MED6: variants seen among roughly 807,000 people sequenced by gnomAD.
MED6 encodes the protein mediator of RNA polymerase II transcription subunit 6.
Under a neutral mutation model 37.5 loss-of-function variants are expected in MED6, and 33 were observed. The observed-to-expected ratio is 0.88, with a 90% CI of 0.67 to 1.18. MED6 has a LOEUF of 1.18. MED6 is among the 50% of genes most tolerant of loss of function. MED6 has a pLI of 0.00. For missense variants in MED6, 235 were observed against 290.6 expected (o/e 0.81, Z 1.39); for synonymous variants, 94 against 93.6 (o/e 1.00, Z -0.02).
intron 3 of MED6, among the ~76,000 whole-genome samples, chr14:70,596,049 T>C (rs1342287869): frequency 6.6e-6 from 1 of 152,220 alleles, no homozygotes; most frequent in Non-Finnish European, 1.5e-5. Flanking sequence ...AGTATACAAC[T>C]AGTGGAACTT....
Position 70,584,819 on chromosome 14 carries a change from A to C in MED6, c.735T>G (p.Leu245=), listed in dbSNP as rs768892595. Residue 245 remains leucine, a synonymous_variant, in exon 8 of 8, where the codon CTT becomes CTG. Coordinates refer to ENST00000256379, the MANE Select transcript of MED6 (RefSeq NM_005466.4). ...AKGPPEKRMR[L]Q ...CTTCTCTTTTGTCCAGTACTCACTG[A>C]AGTCTCATCCGTTTTTCAGGGGGGC... The C allele has an allele frequency of 6.2e-7, 1 of 1,614,064 alleles. No homozygotes were observed. Among genetic ancestry groups the C allele is most frequent in the East Asian group, 2.2e-5 (1 of 44,884 alleles).
chr14:70,595,661 T>C (rs530133342), intron 3 of MED6: 11 of 955,902 alleles, frequency 1.2e-5, no homozygotes, highest in South Asian at 9.4e-5. Flanking sequence ...AGCTGTAGGC[T>C]GAGATCACCA....
intron 3 of MED6, 65 bp downstream of exon 3, chr14:70,596,546 G>A: frequency 3.1e-6 from 4 of 1,303,402 alleles, no homozygotes; most frequent in South Asian, 1.2e-5. Flanking sequence ...AACAAGTTAG[G>A]TCAGGAAGTA....
Position 70,597,817 on chromosome 14 carries a change from TAGAA to T in MED6, c.23-44_23-41del, listed in dbSNP as rs772431849. 31 of 1,488,234 alleles carry T rather than the reference TAGAA, an allele frequency of 2.1e-5. No homozygotes were observed. The African/African-American group carries it at 2.8e-4, about 13-fold the overall frequency. 92.2% of individuals were successfully genotyped at this position (1,488,234 alleles called of 1,614,324 possible). A position where few individuals can be genotyped will look rare whatever the true frequency, so the allele number is the denominator to read the frequency against. ...ACAAAATGATAAAGGATTAGAAAAA[TAGAA>T]AGAATCCAATCCAACAAACATTTAT... On this transcript the variant is annotated intron_variant, in intron 1 of 7. Transcript: ENST00000256379.
At chr14:70,585,815 G>A in intron 6 of MED6, 32 bp from the exon 7 acceptor site, 4 of 1,592,146 alleles carry the variant, frequency 2.5e-6, no homozygotes, top group Non-Finnish European at 3.4e-6. Flanking sequence ...GGAGGGAGAG[G>A]AAGAGGAAAA....
intron 3 of MED6, chr14:70,596,084 ATAGT>A: frequency 4.6e-6 from 1 of 218,874 alleles, no homozygotes; most frequent in Non-Finnish European, 9.2e-6. Context: ...TTCCTATATG[ATAGT>A]TAGGCTGGTT....
At chr14:70,585,445 G>A (rs200643995) in intron 7 of MED6, among the ~76,000 whole-genome samples, 2 of 152,284 alleles carry the variant, frequency 1.3e-5, no homozygotes, top group East Asian at 3.9e-4. Flanking sequence ...TACAATGGGA[G>A]ACTCTAGAAC....
chr14:70,597,915 A>C, intron 1 of MED6, 138 bp from the exon 2 acceptor site: 1 of 535,194 alleles, frequency 1.9e-6, no homozygotes, highest in Non-Finnish European at 3.0e-6. Flanking sequence ...CACTCTCATG[A>C]TGTAACAGAA....
intron 3 of MED6, chr14:70,595,720 C>T: frequency 1.4e-6 from 1 of 737,874 alleles, no homozygotes; most frequent in Non-Finnish European, 2.4e-6. Flanking sequence ...CTTGGTGACG[C>T]CCTGGACAGC....
chr14:70,593,009 T>C, intron 4 of MED6, 21 bp from the exon 5 acceptor site: 1 of 1,611,964 alleles, frequency 6.2e-7, no homozygotes, highest in East Asian at 2.2e-5. Flanking sequence ...GAAAATAAAC[T>C]CTAAATTTAT....
chr14:70,599,575 G>A (rs1885144150), intron 1 of MED6, among the ~76,000 whole-genome samples: 1 of 152,056 alleles, frequency 6.6e-6, no homozygotes, highest in African/African-American at 2.4e-5. Context: ...ACACCTTTCT[G>A]ACTTCATCTC....
chr14:70,599,912 C>T (rs1885154992), intron 1 of MED6, among the ~76,000 whole-genome samples: 1 of 151,746 alleles, frequency 6.6e-6, no homozygotes, highest in African/African-American at 2.4e-5. Flanking sequence ...TGTGTTAGAC[C>T]CCAATCCAGT....
intron 1 of MED6, among the ~76,000 whole-genome samples, chr14:70,598,029 C>G (rs1370835730): frequency 6.6e-6 from 1 of 152,098 alleles, no homozygotes; most frequent in Non-Finnish European, 1.5e-5. Context: ...GGTGCGGTGG[C>G]TCAGCCTGTA....
Position 70,593,576 on chromosome 14 carries a change from C to T in MED6, c.275-198G>A, listed in dbSNP as rs191690501. Among the ~76,000 whole-genome samples, 70 of 152,310 alleles carry T rather than the reference C, an allele frequency of 4.6e-4. No individual in the cohort carries two copies. The Middle Eastern group carries it at 0.014, about 30-fold the overall frequency. ...TATGGCTGCTCTGGCAATAATTGAG[C>T]ATTGTCACAGAGACTACGAGGCCCA... On this transcript the variant is annotated intron_variant, in intron 3 of 7. Coordinates refer to ENST00000256379, the MANE Select transcript of MED6 (RefSeq NM_005466.4).
rs1884623224 is a variant in MED6, at chr14:70,584,009, A to T, written c.*804T>A. 1 of 463,920 alleles carries T rather than the reference A, an allele frequency of 2.2e-6. No homozygotes were observed. The highest frequency in any genetic ancestry group is 3.8e-6 in the Non-Finnish European group (1 of 263,212). 28.7% of individuals were successfully genotyped at this position (463,920 alleles called of 1,614,324 possible). On this transcript the variant is annotated 3_prime_UTR_variant, in exon 8 of 8. Transcript: ENST00000256379. ...AAGAAGTATCTACACACAGAATAAG[A>T]TTAAAATTCACAACACTGTTACAGT...
Position 70,584,521 on chromosome 14 carries a change from G to T in MED6, c.*292C>A. 3.3e-6 allele frequency: 1 copy of T among 305,060 alleles called. No homozygotes were observed. Among genetic ancestry groups the T allele is most frequent in the Non-Finnish European group, 6.0e-6 (1 of 166,988 alleles). 18.9% of individuals were successfully genotyped at this position (305,060 alleles called of 1,614,324 possible). ...CTCCCGAGTAGCTGGGACTATGGGC[G>T]CCCGCCACCACGCCCGGCTAATTTT... On this transcript the variant is annotated 3_prime_UTR_variant, in exon 8 of 8. Coordinates refer to ENST00000256379, the MANE Select transcript of MED6 (RefSeq NM_005466.4).
intron 6 of MED6, among the ~76,000 whole-genome samples, chr14:70,587,635 T>C (rs1306248117): frequency 6.6e-6 from 1 of 152,210 alleles, no homozygotes; most frequent in Non-Finnish European, 1.5e-5. Context: ...CCCAACATAA[T>C]ACACTGTCTA....
chr14:70,586,731 C>T (rs1044169192), intron 6 of MED6, among the ~76,000 whole-genome samples: 1 of 152,100 alleles, frequency 6.6e-6, no homozygotes, highest in African/African-American at 2.4e-5. Context: ...TTACATGTTC[C>T]AGGTTCATGC....
intron 1 of MED6, 79 bp from the exon 2 acceptor site, chr14:70,597,856 A>C: frequency 8.4e-7 from 1 of 1,186,970 alleles, no homozygotes; most frequent in Non-Finnish European, 1.1e-6. Flanking sequence ...TTATACATCA[A>C]ATGTAGTAGG....
Sources: gnomAD v4.1 joint callset for allele counts (sites outside exome capture counted in the v4.1 genomes callset) on GRCh38, gnomAD v4.1.1 for gene constraint, MANE v1.5 for transcripts, NCBI Gene and HGNC (gene_info 2026-07-23, HGNC 2026-07-21) for gene names.